Variants in SGCZ observed in about 807,000 individuals in gnomAD.
SGCZ encodes the protein zeta-sarcoglycan.
Under a neutral mutation model 41.3 loss-of-function variants are expected in SGCZ, and 40 were observed. The observed-to-expected ratio is 0.97, with a 90% CI of 0.75 to 1.26. SGCZ has a LOEUF of 1.26. Ranked by LOEUF, SGCZ falls within the 50% of genes most tolerant of loss-of-function variation. SGCZ has a pLI of 0.00. For synonymous variants in SGCZ, 206 were observed against 137.5 expected (o/e 1.50, Z -3.49); for missense variants, 552 against 369.8 (o/e 1.49, Z -4.04).
At chr8:14,672,035 T>C (rs1006340704) in intron 1 of SGCZ, among the ~76,000 whole-genome samples, 23 of 152,274 alleles carry the variant, frequency 1.5e-4, no homozygotes, top group Non-Finnish European at 2.8e-4. Flanking sequence ...TCACAAATCT[T>C]AGCTACCGAC....
intron 1 of SGCZ, among the ~76,000 whole-genome samples, chr8:14,592,944 C>T (rs1805286449): frequency 6.6e-6 from 1 of 152,184 alleles, no homozygotes; most frequent in African/African-American, 2.4e-5. Flanking sequence ...TTTCAGACAT[C>T]AGTTTCTCTA....
intron 2 of SGCZ, among the ~76,000 whole-genome samples, chr8:14,529,277 A>G (rs1440626538): frequency 1.3e-5 from 2 of 152,130 alleles, no homozygotes; most frequent in Non-Finnish European, 2.9e-5. Flanking sequence ...ACACCTGGGG[A>G]AAGCCCATAC....
chr8:14,103,315 G>T (rs2116986548), intron 6 of SGCZ, among the ~76,000 whole-genome samples: 1 of 152,154 alleles, frequency 6.6e-6, no homozygotes, highest in South Asian at 2.1e-4. Flanking sequence ...GAATACAGTG[G>T]TAAAAAGTGC....
chr8:14,845,006 A>G (rs1803050421), intron 1 of SGCZ, among the ~76,000 whole-genome samples: 1 of 152,162 alleles, frequency 6.6e-6, no homozygotes, highest in African/African-American at 2.4e-5. Context: ...GGCAGCTAGA[A>G]TTTACAAGAT....
chr8:14,636,515 T>A (rs1806832955), intron 1 of SGCZ, among the ~76,000 whole-genome samples: 1 of 151,838 alleles, frequency 6.6e-6, no homozygotes, highest in Admixed American at 6.6e-5. Context: ...GAAGAGGCAA[T>A]AGAAAAATCT....
At chr8:14,284,212 G>A (rs937961710) in intron 3 of SGCZ, among the ~76,000 whole-genome samples, 7 of 152,258 alleles carry the variant, frequency 4.6e-5, no homozygotes, top group African/African-American at 1.7e-4. Flanking sequence ...GTAATATAGT[G>A]GAACCCCACC....
chr8:14,323,461 T>G (rs951207030), intron 3 of SGCZ, among the ~76,000 whole-genome samples: 2 of 152,224 alleles, frequency 1.3e-5, no homozygotes, highest in East Asian at 3.9e-4. Flanking sequence ...TGAAAAATTC[T>G]AGTAAGTTTT....
rs962055616 is a variant in SGCZ, at chr8:14,585,065, G to C, written c.40-30139C>G. On this transcript the variant is annotated intron_variant, in intron 1 of 7. Transcript: ENST00000382080. ...AGGATGAGGATGCTTCAAGGTCACA[G>C]AATAAATGTGAAGTATTCTGAAAAG... 7.9e-5 allele frequency among the ~76,000 whole-genome samples: 12 copies of C among 152,194 alleles called. No homozygotes were observed. The East Asian group carries it at 2.3e-3, about 29-fold the overall frequency.
At chr8:14,262,603 T>C (rs1218741502) in intron 3 of SGCZ, among the ~76,000 whole-genome samples, 4 of 151,966 alleles carry the variant, frequency 2.6e-5, no homozygotes, top group South Asian at 2.1e-4. Flanking sequence ...AGGATATATA[T>C]ATATAATCTA....
chr8:14,254,281 C>A (rs1035277682), intron 3 of SGCZ, among the ~76,000 whole-genome samples: 2 of 152,124 alleles, frequency 1.3e-5, no homozygotes, highest in African/African-American at 4.8e-5. Flanking sequence ...GAAATTTACA[C>A]AGAAAAATAT....
intron 1 of SGCZ, among the ~76,000 whole-genome samples, chr8:14,776,416 G>A (rs953794369): frequency 1.3e-5 from 2 of 151,866 alleles, no homozygotes; most frequent in African/African-American, 4.8e-5. Context: ...TGCCTTCACC[G>A]TGACTGAGTC....
chr8:14,292,837 CAT>C (rs1800886543), intron 3 of SGCZ, among the ~76,000 whole-genome samples: 1 of 94,196 alleles, frequency 1.1e-5, no homozygotes, highest in East Asian at 3.9e-4. Context: ...CATTATGTTA[CAT>C]AGAGTAATCC....
At chr8:14,424,774 A>C (rs1799731692) in intron 2 of SGCZ, among the ~76,000 whole-genome samples, 1 of 152,188 alleles carries the variant, frequency 6.6e-6, no homozygotes, top group South Asian at 2.1e-4. Context: ...GAAAGACAAT[A>C]AGCTTTTCAA....
chr8:14,264,219 C>G (rs1205399248), intron 3 of SGCZ, among the ~76,000 whole-genome samples: 1 of 152,216 alleles, frequency 6.6e-6, no homozygotes, highest in Non-Finnish European at 1.5e-5. Context: ...GGAATGGCTA[C>G]TTAATCCATC....
intron 2 of SGCZ, among the ~76,000 whole-genome samples, chr8:14,532,329 G>C (rs1803157388): frequency 6.6e-6 from 1 of 152,078 alleles, no homozygotes; most frequent in South Asian, 2.1e-4. Flanking sequence ...AAGCTGAATG[G>C]AGTCTTGGTA....
intron 1 of SGCZ, among the ~76,000 whole-genome samples, chr8:15,030,601 A>T (rs1233195267): frequency 6.6e-6 from 1 of 152,176 alleles, no homozygotes; most frequent in South Asian, 2.1e-4. Context: ...AGGTAAAGAC[A>T]TTCGTTAAGT....
At chr8:14,678,114 G>T (rs916149290) in intron 1 of SGCZ, among the ~76,000 whole-genome samples, 4 of 152,136 alleles carry the variant, frequency 2.6e-5, no homozygotes, top group Non-Finnish European at 5.9e-5. Flanking sequence ...AGAAAATCTA[G>T]ATGAGCTTTT....
intron 1 of SGCZ, among the ~76,000 whole-genome samples, chr8:15,215,925 A>C (rs988628484): frequency 6.6e-6 from 1 of 152,142 alleles, no homozygotes; most frequent in Non-Finnish European, 1.5e-5. Flanking sequence ...TCTGGAATGC[A>C]TTTTTCCTGC....
intron 1 of SGCZ, among the ~76,000 whole-genome samples, chr8:14,690,876 T>A (rs928634149): frequency 6.6e-6 from 1 of 152,186 alleles, no homozygotes; most frequent in Admixed American, 6.5e-5. Context: ...CTTGATAGAG[T>A]ACATATGTGT....
Sources: allele counts gnomAD v4.1 joint callset (sites outside exome capture counted in the v4.1 genomes callset), GRCh38; gene constraint gnomAD v4.1.1; transcripts MANE v1.5; gene names NCBI Gene and HGNC (gene_info 2026-07-23, HGNC 2026-07-21).